The following ABCG2 variants were observed in gnomAD, a reference collection of about 807,000 sequenced individuals.
ABCG2 encodes the protein broad substrate specificity ATP-binding cassette transporter ABCG2.
Under a neutral mutation model 73.5 loss-of-function variants are expected in ABCG2, and 80 were observed. That is an observed-to-expected ratio of 1.09 (90% CI 0.91 to 1.31). ABCG2 has a LOEUF of 1.31. Ranked by LOEUF, ABCG2 falls within the 50% of genes most tolerant of loss-of-function variation. The pLI is 0.00. For synonymous variants in ABCG2, 269 were observed against 282.4 expected, an observed-to-expected ratio of 0.95 and a Z score of 0.48; for missense variants, 796 against 786.2, an observed-to-expected ratio of 1.01 and a Z score of -0.15.
chr4:88,094,630 T>C lies in ABCG2; in HGVS notation c.1767A>G (p.Gln589=). Reference sequence around the variant, plus strand: ...TTGCATTGAGTCCTGGGCAGAAGTTTTGTCCCAAAAATTCATTATGCTGCA... The same window carrying C: ...TTGCATTGAGTCCTGGGCAGAAGTTCTGTCCCAAAAATTCATTATGCTGCA... ...TALQHNEFLG[Q]NFCPGLNATG... The change falls in exon 15 of 16, where the codon CAA becomes CAG. Residue 589 remains glutamine, a synonymous_variant. Coordinates refer to ENST00000237612, the MANE Select transcript of ABCG2 (RefSeq NM_004827.3). 6.2e-7 allele frequency: 1 copy of C among 1,614,044 alleles called. No individual in the cohort carries two copies. Among genetic ancestry groups the C allele is most frequent in the Non-Finnish European group, 8.5e-7 (1 of 1,179,890 alleles).
chr4:88,160,848 C>CAA (rs765758097), upstream of ABCG2, among the ~76,000 whole-genome samples: 2,863 of 36,942 alleles, frequency 0.077, 115 homozygotes, highest in Non-Finnish European at 0.094. Flanking sequence ...GACTCCATCT[C>CAA]AAAAAAAAAA....
intron 1 of ABCG2, among the ~76,000 whole-genome samples, chr4:88,177,943 C>T (rs536352311): frequency 1.8e-4 from 28 of 152,160 alleles, no homozygotes; most frequent in Non-Finnish European, 3.8e-4. Context: ...GCCTTATCAC[C>T]GTGAACTAAA....
At chr4:88,164,181 C>T (rs556434023), upstream of ABCG2, among the ~76,000 whole-genome samples, 1 of 152,190 alleles carries the variant, frequency 6.6e-6, no homozygotes, top group East Asian at 1.9e-4. Context: ...ATTCTACTGC[C>T]TCAGCCTCCT....
intron 5 of ABCG2, among the ~76,000 whole-genome samples, chr4:88,123,206 T>A (rs1724136271): frequency 6.6e-6 from 1 of 152,058 alleles, no homozygotes; most frequent in Admixed American, 6.6e-5. Context: ...GGTAGATAAA[T>A]CTATGAAGAT....
chr4:88,111,044 T>C lies in ABCG2; in HGVS notation c.1194+2259A>G, dbSNP rs531013086. Among the ~76,000 whole-genome samples the C allele has an allele frequency of 4.6e-5, 7 of 152,316 alleles. No individual in the cohort carries two copies. In the South Asian group the frequency reaches 1.2e-3, roughly 27 times the overall value. ...AGAGGCACTAGGCCAGGTGTTAGCA[T>C]TGGAAGGAAGCCCAGTATCAAAACA... On this transcript the variant is annotated intron_variant, in intron 9 of 15. Coordinates refer to ENST00000237612, the MANE Select transcript of ABCG2 (RefSeq NM_004827.3).
rs1728224847 is a variant in ABCG2 at position 88,181,340 on chromosome 4, C to T, written c.-19-41326G>A. On this transcript the variant is annotated intron_variant, in intron 1 of 15. Coordinates refer to the ABCG2 transcript ENST00000515655. Reference sequence around the variant, plus strand: ...GCTTGAACCCAGGAGGCAGAGGTTGCAGTGAGCCAAGACCGTGCCACTGCA... The same window carrying T: ...GCTTGAACCCAGGAGGCAGAGGTTGTAGTGAGCCAAGACCGTGCCACTGCA... 2.8e-5 allele frequency among the ~76,000 whole-genome samples: 4 copies of T among 142,574 alleles called. No homozygotes were observed. In the South Asian group the frequency reaches 8.8e-4, roughly 31 times the overall value. 93.5% of individuals were successfully genotyped at this position (142,574 alleles called of 152,430 possible).
chr4:88,158,462 A>C lies in ABCG2; in HGVS notation c.-96T>G, dbSNP rs1414299588. ...TGCGCTCGGAGGCAGCGCTTTAACA[A>C]TTAAGGATGTAAATGTTGGGATGAG... On this transcript the variant is annotated 5_prime_UTR_variant, in exon 1 of 16. Transcript: ENST00000237612. The C allele has an allele frequency of 2.2e-6, 1 of 455,828 alleles. No individual in the cohort carries two copies. Among genetic ancestry groups the C allele is most frequent in the East Asian group, 7.0e-5 (1 of 14,374 alleles). 28.2% of individuals were successfully genotyped at this position (455,828 alleles called of 1,614,324 possible).
At chr4:88,213,964 T>C (rs560267868) in intron 1 of ABCG2, among the ~76,000 whole-genome samples, 73 of 139,972 alleles carry the variant, frequency 5.2e-4, no homozygotes, top group Middle Eastern at 4.6e-3. Flanking sequence ...ATTACAGCCA[T>C]GAGCCACCAC....
At chr4:88,219,733 T>A (rs1391801763) in intron 1 of ABCG2, among the ~76,000 whole-genome samples, 1 of 149,080 alleles carries the variant, frequency 6.7e-6, no homozygotes, top group Non-Finnish European at 1.5e-5. Flanking sequence ...AGGCGCACAG[T>A]GCCACGCCTG....
rs191148229 is a variant in ABCG2, at chr4:88,102,930, G to A, written c.1278-1611C>T. ...TTTTTTGTTTTATTTTATTTTTAGA[G>A]ACAGAGCTGCCCTCGGTCACCCAGG... is the stretch of plus-strand genomic sequence containing the variant. On this transcript the variant is annotated intron_variant, in intron 10 of 15. Transcript: ENST00000237612. Among the ~76,000 whole-genome samples, 316 of 152,228 alleles carry A rather than the reference G, an allele frequency of 2.1e-3. 1 individual carries two copies. The highest frequency in any genetic ancestry group is 7.1e-3 in the African/African-American group (294 of 41,540).
chr4:88,159,162 TTAAC>T (rs139256004), upstream of ABCG2: 1,048 of 456,274 alleles, frequency 2.3e-3, 11 homozygotes, highest in African/African-American at 0.019. Context: ...ACCAGAGTGA[TTAAC>T]TACGAGAATC....
chr4:88,115,232 G>GTCTCTCTCTCTCTC (rs201460174), intron 7 of ABCG2, among the ~76,000 whole-genome samples, 174 bp from the exon 8 acceptor site: 1 of 28,968 alleles, frequency 3.5e-5, no homozygotes, highest in Non-Finnish European at 6.0e-5. Flanking sequence ...TATATATTCA[G>GTCTCTCTCTCTCTC]TCTCTCTCTC....
chr4:88,151,481 G>A (rs1359450181), intron 1 of ABCG2, among the ~76,000 whole-genome samples: 3 of 152,204 alleles, frequency 2.0e-5, no homozygotes, highest in Non-Finnish European at 4.4e-5. Flanking sequence ...GCTCATGCCT[G>A]TAATCCCAGC....
At chr4:88,158,261 G>T (rs1323575321) in intron 1 of ABCG2, 125 bp downstream of exon 1, 2 of 317,880 alleles carry the variant, frequency 6.3e-6, no homozygotes, top group Non-Finnish European at 6.1e-6. Context: ...ATGAAACTGC[G>T]AAAGGCTAAA....
intron 1 of ABCG2, among the ~76,000 whole-genome samples, chr4:88,223,418 C>G (rs1463078242): frequency 2.0e-5 from 3 of 152,134 alleles, no homozygotes; most frequent in Non-Finnish European, 2.9e-5. Context: ...TACCTTCATG[C>G]TGTTCTCGTG....
At chr4:88,229,978 C>CATTATTATTACT (rs1553902137) in intron 1 of ABCG2, among the ~76,000 whole-genome samples, 2 of 143,550 alleles carry the variant, frequency 1.4e-5, no homozygotes, top group Non-Finnish European at 3.0e-5. Context: ...TTCTGGCATG[C>CATTATTATTACT]ATTATTATTA....
At chr4:88,116,241 C>G (rs1450011268) in intron 7 of ABCG2, among the ~76,000 whole-genome samples, 1 of 152,092 alleles carries the variant, frequency 6.6e-6, no homozygotes, top group African/African-American at 2.4e-5. Context: ...AAATCAACTG[C>G]TGTGCTGCTG....
At chr4:88,186,842 C>G (rs1309877331) in intron 1 of ABCG2, among the ~76,000 whole-genome samples, 1 of 146,296 alleles carries the variant, frequency 6.8e-6, no homozygotes, top group Non-Finnish European at 1.5e-5. Flanking sequence ...TGGCGTGAAC[C>G]CGGGAGGCAG....
intron 9 of ABCG2, 96 bp downstream of exon 9, chr4:88,113,207 T>C (rs1723260673): frequency 6.9e-7 from 1 of 1,452,260 alleles, no homozygotes; most frequent in Non-Finnish European, 9.3e-7. Flanking sequence ...TAACAAATAA[T>C]TGGAAGGGTG....
Sources: gnomAD v4.1 joint callset for allele counts (sites outside exome capture counted in the v4.1 genomes callset) on GRCh38, gnomAD v4.1.1 for gene constraint, MANE v1.5 for transcripts, NCBI Gene and HGNC (gene_info 2026-07-23, HGNC 2026-07-21) for gene names.